The following HDX variants were observed in gnomAD, a reference collection of about 807,000 sequenced individuals.
HDX encodes chromosome X open reading frame 43.
A neutral mutation model predicts 45.2 loss-of-function variants in HDX; 19 were observed. The observed-to-expected ratio is 0.42, with a 90% CI of 0.29 to 0.62. The LOEUF (loss-of-function observed/expected upper bound fraction) is 0.62, where lower values mean the gene tolerates loss of function less well. HDX is among the 20% of genes least tolerant of loss of function. The probability of loss-of-function intolerance (pLI) is 0.20; values close to 1 mark genes in which losing one functional copy is unlikely to be tolerated. For missense variants in HDX, 532 were observed against 493.9 expected (o/e 1.08, Z -0.73); for synonymous variants, 188 against 172.8 (o/e 1.09, Z -0.69).
At chrX:84,498,196 G>A (rs2041048370) in intron 1 of HDX, among the ~76,000 whole-genome samples, 1 of 111,762 alleles carries the variant, frequency 8.9e-6, no homozygotes. Context: ...AAGATGTAAG[G>A]TGAAGCATTT....
intron 6 of HDX, among the ~76,000 whole-genome samples, chrX:84,345,854 T>G (rs1382917316): frequency 9.0e-6 from 1 of 111,311 alleles, no homozygotes; most frequent in Non-Finnish European, 1.9e-5. Context: ...TAGTAACAGC[T>G]CAACAAGTTC....
intron 4 of HDX, among the ~76,000 whole-genome samples, chrX:84,459,907 C>A (rs1461431582): frequency 3.6e-5 from 4 of 110,913 alleles, no homozygotes; most frequent in Non-Finnish European, 7.6e-5. Flanking sequence ...CTATAATGAG[C>A]AACTATATGC....
intron 1 of HDX, among the ~76,000 whole-genome samples, chrX:84,494,769 G>A (rs1365333205): frequency 8.9e-6 from 1 of 111,746 alleles, no homozygotes; most frequent in Non-Finnish European, 1.9e-5. Context: ...ATGGAAAACA[G>A]TATAGAGGTC....
At chrX:84,450,349 A>G (rs1413287246) in intron 4 of HDX, among the ~76,000 whole-genome samples, 1 of 111,754 alleles carries the variant, frequency 8.9e-6, no homozygotes, top group Non-Finnish European at 1.9e-5. Flanking sequence ...AAAGGGATGG[A>G]AAAAAATATT....
chrX:84,356,163 G>T (rs916384082), intron 6 of HDX, among the ~76,000 whole-genome samples: 1 of 111,348 alleles, frequency 9.0e-6, no homozygotes, highest in African/African-American at 3.3e-5. Flanking sequence ...GTTCATTTTG[G>T]TGATTAGTAA....
intron 9 of HDX, among the ~76,000 whole-genome samples, chrX:84,331,177 G>A (rs1439878609): frequency 1.8e-5 from 2 of 111,347 alleles, no homozygotes; most frequent in East Asian, 5.7e-4. Flanking sequence ...GCCCATCAAA[G>A]TGTCTCATAA....
At chrX:84,421,260 A>T (rs989033076) in intron 5 of HDX, among the ~76,000 whole-genome samples, 5 of 112,055 alleles carry the variant, frequency 4.5e-5, no homozygotes, top group Non-Finnish European at 9.4e-5. Context: ...ATAAAAAGAA[A>T]AAAAGTTAGT....
intron 5 of HDX, among the ~76,000 whole-genome samples, chrX:84,411,020 G>A (rs2038971711): frequency 9.0e-6 from 1 of 111,425 alleles, no homozygotes; most frequent in African/African-American, 3.3e-5. Context: ...TGTCTCCTTT[G>A]TCATTTCTCT....
intron 5 of HDX, among the ~76,000 whole-genome samples, chrX:84,422,922 C>T (rs1431289165): frequency 9.1e-6 from 1 of 109,947 alleles, no homozygotes; most frequent in South Asian, 3.9e-4. Flanking sequence ...CCCGCCTCGG[C>T]CTCCCAAAGT....
intron 6 of HDX, among the ~76,000 whole-genome samples, chrX:84,350,773 T>A (rs750742957): frequency 4.4e-4 from 49 of 111,975 alleles, no homozygotes; most frequent in Non-Finnish European, 8.5e-4. Context: ...AAAAATCCAA[T>A]TTGCAAATTT....
chrX:84,351,019 CTATCTATCT>C (rs1409807166), intron 6 of HDX, among the ~76,000 whole-genome samples: 1 of 83,430 alleles, frequency 1.2e-5, no homozygotes, highest in African/African-American at 4.9e-5. Flanking sequence ...GGCTATCTAT[CTATCTATCT>C]ATCTATCTAT....
intron 4 of HDX, among the ~76,000 whole-genome samples, chrX:84,458,443 A>G (rs771091219): frequency 1.8e-5 from 2 of 112,231 alleles, no homozygotes; most frequent in Admixed American, 9.4e-5. Context: ...TAGACTTATA[A>G]TTTAAGTTTT....
chrX:84,408,506 T>TTG (rs2038891377), intron 5 of HDX, among the ~76,000 whole-genome samples: 1 of 96,883 alleles, frequency 1.0e-5, no homozygotes, highest in African/African-American at 3.8e-5. Context: ...TTTGTTTTTT[T>TTG]TTTTTTTTTT....
chrX:84,405,588 C>CTTTTT (rs55758874), intron 5 of HDX, among the ~76,000 whole-genome samples: 4 of 58,205 alleles, frequency 6.9e-5, no homozygotes, highest in Non-Finnish European at 1.3e-4. Context: ...GGATTTTCTG[C>CTTTTT]TTTTTTTTTT....
At chrX:84,371,787 C>T (rs142491549) in intron 5 of HDX, among the ~76,000 whole-genome samples, 3,132 of 110,881 alleles carry the variant, frequency 0.028, 115 homozygotes, top group African/African-American at 0.095. Context: ...GAGAATTATT[C>T]GTTAATGAAA....
intron 5 of HDX, among the ~76,000 whole-genome samples, chrX:84,385,685 A>G (rs1280798169): frequency 9.0e-6 from 1 of 110,738 alleles, no homozygotes; most frequent in Non-Finnish European, 1.9e-5. Context: ...AAATGCTACT[A>G]AATTTTGTAC....
chrX:84,470,815 C>A (rs1237666237), intron 3 of HDX, among the ~76,000 whole-genome samples: 4 of 110,661 alleles, frequency 3.6e-5, no homozygotes, highest in African/African-American at 1.3e-4. Flanking sequence ...TATAATAATT[C>A]CAAAATGCAT....
At chrX:84,340,977 C>A (rs1426004967) in intron 7 of HDX, among the ~76,000 whole-genome samples, 1 of 111,400 alleles carries the variant, frequency 9.0e-6, no homozygotes, top group East Asian at 2.8e-4. Context: ...AAGAGTGGAC[C>A]ATTAAGTGGT....
At chrX:84,352,763 A>G (rs2037389811) in intron 6 of HDX, among the ~76,000 whole-genome samples, 1 of 112,241 alleles carries the variant, frequency 8.9e-6, no homozygotes, top group Non-Finnish European at 1.9e-5. Flanking sequence ...AAGAATGGCA[A>G]TTTCTTACTA....
Sources: gnomAD v4.1 joint callset for allele counts (sites outside exome capture counted in the v4.1 genomes callset) on GRCh38, gnomAD v4.1.1 for gene constraint, MANE v1.5 for transcripts, NCBI Gene and HGNC (gene_info 2026-07-23, HGNC 2026-07-21) for gene names.